STARD3: variants seen among roughly 807,000 people sequenced by gnomAD.
STARD3 encodes the protein stAR-related lipid transfer protein 3.
STARD3 carries 39 observed loss-of-function variants against 62.0 expected under a neutral mutation model. The observed-to-expected ratio is 0.63, with a 90% CI of 0.49 to 0.82. The LOEUF is 0.82. Ranked by LOEUF, STARD3 falls within the 40% of genes least tolerant of loss-of-function variation. The pLI is 0.00. For synonymous variants in STARD3, 229 were observed against 242.4 expected (o/e 0.94, Z 0.51); for missense variants, 543 against 584.5 (o/e 0.93, Z 0.73).
intron 2 of STARD3, 107 bp from the exon 3 acceptor site, chr17:39,656,900 TC>T: frequency 9.3e-7 from 1 of 1,075,942 alleles, no homozygotes; most frequent in Non-Finnish European, 1.4e-6. Context: ...ATCAACAGCC[TC>T]CCCTCCAGGT....
rs1029950143 is a variant in STARD3, at chr17:39,663,934, C to G, written c.*1026C>G. 6.6e-6 allele frequency among the ~76,000 whole-genome samples: 1 copy of G among 152,152 alleles called. No individual in the cohort carries two copies. Among genetic ancestry groups the G allele is most frequent in the African/African-American group, 2.4e-5 (1 of 41,426 alleles). ...TCCCTCTCCCCGCACGGCACTCACA[C>G]CAGGGGCGGCCTGGAGCCCGGATCG... is the stretch of plus-strand genomic sequence containing the variant. On this transcript the variant is annotated 3_prime_UTR_variant, in exon 15 of 15. Coordinates refer to ENST00000336308, the MANE Select transcript of STARD3 (RefSeq NM_006804.4).
At chr17:39,648,779 C>T (rs1001716610) in intron 1 of STARD3, among the ~76,000 whole-genome samples, 2 of 152,190 alleles carry the variant, frequency 1.3e-5, no homozygotes, top group Non-Finnish European at 2.9e-5. Flanking sequence ...CTCCCGGGCT[C>T]CCGCAACACC....
intron 1 of STARD3, among the ~76,000 whole-genome samples, chr17:39,646,152 A>G (rs2057024612): frequency 6.6e-6 from 1 of 151,822 alleles, no homozygotes; most frequent in South Asian, 2.1e-4. Flanking sequence ...CAGCCTCCCA[A>G]AGTGCTGAGA....
At position 39,653,685 on chromosome 17, in the gene STARD3, A is replaced by G. The variant is rs2057099536; in HGVS notation, c.154A>G (p.Thr52Ala). ...KRRAISDVRR[T>A]FCLFVTFDLL... is the part of the protein sequence containing the mutation. ...AAGGGCCATCTCTGATGTCCGCCGC[A>G]CCTTCTGTCTCTTCGTCACCTTCGA... Residue 52 changes from threonine to alanine, a missense_variant, in exon 2 of 15, where the codon ACC (threonine) becomes GCC (alanine). Transcript: ENST00000336308. 6.2e-7 allele frequency: 1 copy of G among 1,613,924 alleles called. No homozygotes were observed. Among genetic ancestry groups the G allele is most frequent in the African/African-American group, 1.3e-5 (1 of 74,866 alleles).
Position 39,653,682 on chromosome 17 carries a change from C to T in STARD3, c.151C>T (p.Arg51Cys), listed in dbSNP as rs1482607550. The change falls in exon 2 of 15, where the codon CGC becomes TGC. Residue 51 changes from arginine to cysteine, a missense_variant. Transcript: ENST00000336308. ...EKRRAISDVRRTFCLFVTFDL... is the reference protein window; with the variant it reads ...EKRRAISDVRCTFCLFVTFDL... Reference sequence around the variant, plus strand: ...GCGAAGGGCCATCTCTGATGTCCGCCGCACCTTCTGTCTCTTCGTCACCTT... The same window carrying T: ...GCGAAGGGCCATCTCTGATGTCCGCTGCACCTTCTGTCTCTTCGTCACCTT... 2.5e-6 allele frequency: 4 copies of T among 1,614,082 alleles called. No homozygotes were observed. Among genetic ancestry groups the T allele is most frequent in the East Asian group, 2.2e-5 (1 of 44,896 alleles).
At chr17:39,662,108 T>C in intron 13 of STARD3, 143 bp from the exon 14 acceptor site, 1 of 708,952 alleles carries the variant, frequency 1.4e-6, no homozygotes, top group Non-Finnish European at 2.4e-6. Context: ...TGCTAAGCCT[T>C]GTTCAGATAG....
chr17:39,659,860 A>G, intron 9 of STARD3: 1 of 498,928 alleles, frequency 2.0e-6, no homozygotes, highest in Non-Finnish European at 3.6e-6. Context: ...TGATCAAAAC[A>G]ACATTATCTA....
In STARD3 at chr17:39,660,246, C is replaced by T. The variant is rs2057180439; in HGVS notation, c.831C>T (p.Pro277=). The T allele has an allele frequency of 6.2e-7, 1 of 1,614,134 alleles. No homozygotes were observed. The highest frequency in any genetic ancestry group is 2.2e-5 in the East Asian group (1 of 44,888). The part of the protein sequence containing the change: ...YGDTVYTIEV[P]FHGKTFILKT... ...ACACCGTGTACACCATTGAAGTTCC[C>T]TTTCACGGCAAGACGTTTATCCTGA... is the stretch of plus-strand genomic sequence containing the variant. Residue 277 remains proline, a synonymous_variant, in exon 10 of 15, where the codon CCC becomes CCT. Transcript: ENST00000336308. This position sits in a 1 kb window ranked among gnomAD's most constrained non-coding sequence, Gnocchi z 4.8.
chr17:39,658,777 T>G lies in STARD3; in HGVS notation c.603T>G (p.Ala201=). ...GTGGACCCCTGCTGTTCTCCGGTGC[T>G]CTGTCCGAGGGACAGTTCTATTCAC... ...VARGPLLFSG[A]LSEGQFYSPP... is the part of the protein sequence containing the mutation. Residue 201 remains alanine (A), a synonymous_variant, in exon 7 of 15, where the codon GCT becomes GCG. Coordinates refer to ENST00000336308, the MANE Select transcript of STARD3 (RefSeq NM_006804.4). The G allele has an allele frequency of 6.2e-7, 1 of 1,614,002 alleles. No homozygotes were observed. The highest frequency in any genetic ancestry group is 1.3e-5 in the African/African-American group (1 of 75,004).
chr17:39,662,492 G>C (rs2057211154), intron 14 of STARD3, 148 bp downstream of exon 14: 2 of 765,770 alleles, frequency 2.6e-6, no homozygotes, highest in Non-Finnish European at 4.3e-6. Flanking sequence ...TTTGGGTCAG[G>C]GTCCAGATGG....
rs1228009455 is a variant in STARD3 at position 39,660,357 on chromosome 17, C to T, written c.859-74C>T. 2 of 1,609,590 alleles carry T rather than the reference C, an allele frequency of 1.2e-6. No homozygotes were observed. On this transcript the variant is annotated intron_variant, in intron 10 of 14. Coordinates refer to ENST00000336308, the MANE Select transcript of STARD3 (RefSeq NM_006804.4). This position sits in a 1 kb window ranked among gnomAD's most constrained non-coding sequence, Gnocchi z 4.8. ...TGCCGAGGGGCCCTCTGGTGGGTGC[C>T]CCCCACCAAGAGGGAAGGGTTGGTC...
At chr17:39,655,349 A>G (rs1381363578) in intron 2 of STARD3, among the ~76,000 whole-genome samples, 2 of 141,212 alleles carry the variant, frequency 1.4e-5, no homozygotes, top group East Asian at 4.1e-4. Flanking sequence ...ACATTTGGCT[A>G]TTTTTTTTTT....
chr17:39,662,924 C>T lies in STARD3; in HGVS notation c.*16C>T. On this transcript the variant is annotated 3_prime_UTR_variant, in exon 15 of 15. Transcript: ENST00000336308. Reference sequence around the variant, plus strand: ...CCGGGCGTGACTGTGCCCCCTCCCACCCTGCGGGCCAGGGTCCTGTCGCCA... The same window carrying T: ...CCGGGCGTGACTGTGCCCCCTCCCATCCTGCGGGCCAGGGTCCTGTCGCCA... 6.2e-7 allele frequency: 1 copy of T among 1,603,002 alleles called. No homozygotes were observed. Among genetic ancestry groups the T allele is most frequent in the East Asian group, 2.3e-5 (1 of 44,254 alleles).
intron 13 of STARD3, among the ~76,000 whole-genome samples, chr17:39,661,501 C>G (rs918320516): frequency 6.6e-6 from 1 of 152,224 alleles, no homozygotes; most frequent in Non-Finnish European, 1.5e-5. Context: ...CTCACTCCGT[C>G]ATCTTTCTCT....
intron 3 of STARD3, 120 bp downstream of exon 3, chr17:39,657,205 C>A: frequency 1.0e-6 from 1 of 957,514 alleles, no homozygotes; most frequent in Non-Finnish European, 1.6e-6. Flanking sequence ...GGCTCCCATC[C>A]TTCGGGAGCC....
At chr17:39,639,407 T>G (rs1874224) in intron 1 of STARD3, among the ~76,000 whole-genome samples, 9,829 of 152,198 alleles carry the variant, frequency 0.065, 843 homozygotes, top group African/African-American at 0.2. Context: ...AATGTATAGA[T>G]CTGGGAACTA....
intron 8 of STARD3, among the ~76,000 whole-genome samples, 169 bp from the exon 9 acceptor site, chr17:39,659,292 T>TGGAGC (rs1190236200): frequency 2.0e-5 from 3 of 152,074 alleles, no homozygotes; most frequent in Non-Finnish European, 4.4e-5. Flanking sequence ...GGCACACAGG[T>TGGAGC]GGAGCAGCCA....
At chr17:39,641,523 A>G (rs1227530992) in intron 1 of STARD3, among the ~76,000 whole-genome samples, 3 of 151,702 alleles carry the variant, frequency 2.0e-5, no homozygotes, top group Non-Finnish European at 4.4e-5. Flanking sequence ...ATTCTGCAGT[A>G]CTGCTGGGAC....
At chr17:39,638,764 C>G (rs1201517823) in intron 1 of STARD3, among the ~76,000 whole-genome samples, 1 of 152,200 alleles carries the variant, frequency 6.6e-6, no homozygotes, top group Non-Finnish European at 1.5e-5. Flanking sequence ...AGGAATGTCT[C>G]TACTTCATAG....
Sources: gnomAD v4.1 joint callset for allele counts (sites outside exome capture counted in the v4.1 genomes callset) on GRCh38, gnomAD v4.1.1 for gene constraint, Gnocchi (gnomAD v3.1) non-coding constraint, MANE v1.5 for transcripts, NCBI Gene and HGNC (gene_info 2026-07-23, HGNC 2026-07-21) for gene names.